Variants in PRKAR2A observed in about 807,000 individuals in gnomAD.
PRKAR2A encodes protein kinase cAMP-dependent type II regulatory subunit alpha, also known as cAMP-dependent protein kinase type II-alpha regulatory subunit.
Under a neutral mutation model 51.9 loss-of-function variants are expected in PRKAR2A, and 29 were observed. The observed-to-expected ratio is 0.56, with a 90% CI of 0.42 to 0.76. The LOEUF is 0.76. PRKAR2A is among the 30% of genes least tolerant of loss of function. PRKAR2A has a pLI of 0.00. For missense variants in PRKAR2A, 445 were observed against 512.1 expected, an observed-to-expected ratio of 0.87 and a Z score of 1.26; for synonymous variants, 178 against 186.2, an observed-to-expected ratio of 0.96 and a Z score of 0.36.
At chr3:48,846,526 G>A (rs993150231) in intron 1 of PRKAR2A, among the ~76,000 whole-genome samples, 3 of 151,950 alleles carry the variant, frequency 2.0e-5, no homozygotes, top group African/African-American at 7.3e-5. Flanking sequence ...CAGGTTTTTC[G>A]TTTTCAAAAA....
intron 9 of PRKAR2A, 103 bp from the exon 10 acceptor site, chr3:48,752,420 C>T (rs4407401): frequency 6.4e-6 from 8 of 1,241,546 alleles, no homozygotes; most frequent in South Asian, 3.1e-5. Flanking sequence ...TACACAATTA[C>T]TGAGGAATTC....
chr3:48,773,689 C>T (rs2082063668), intron 5 of PRKAR2A, among the ~76,000 whole-genome samples: 1 of 151,668 alleles, frequency 6.6e-6, no homozygotes, highest in South Asian at 2.1e-4. Flanking sequence ...TTTAATACTT[C>T]CTTTCCAATC....
At chr3:48,758,257 C>CAAAAAAA in intron 8 of PRKAR2A, among the ~76,000 whole-genome samples, 1 of 89,190 alleles carries the variant, frequency 1.1e-5, no homozygotes, top group South Asian at 3.4e-4. Context: ...GACTCCATCT[C>CAAAAAAA]AAAAAAAAAA....
intron 1 of PRKAR2A, among the ~76,000 whole-genome samples, chr3:48,808,585 T>C (rs1489080105): frequency 3.3e-5 from 4 of 119,534 alleles, no homozygotes; most frequent in African/African-American, 1.3e-4. Context: ...TTCATCATGT[T>C]GGCCAGGCTG....
intron 1 of PRKAR2A, among the ~76,000 whole-genome samples, chr3:48,830,708 T>C (rs2107439454): frequency 6.6e-6 from 1 of 152,256 alleles, no homozygotes; most frequent in Admixed American, 6.5e-5. Flanking sequence ...TATTACATTG[T>C]AATATATAAT....
chr3:48,752,281 C>T lies in PRKAR2A; in HGVS notation c.976G>A (p.Glu326Lys), dbSNP rs112025762. 57 of 1,614,028 alleles carry T rather than the reference C, an allele frequency of 3.5e-5. No homozygotes were observed. The highest frequency in any genetic ancestry group is 4.4e-5 in the Non-Finnish European group (52 of 1,180,032). The change falls in exon 10 of 11, where the codon GAG (glutamate) becomes AAG (lysine). Residue 326 changes from glutamate (E) to lysine (K), a missense_variant. Physicochemically the swap from Glu to Lys is moderately conservative, Grantham distance 56. Transcript: ENST00000265563. Reference protein sequence around the residue: ...SNKDGGNQEVEIARCHKGQYF... With the variant: ...SNKDGGNQEVKIARCHKGQYF... ...TGCCCCTTATGGCAGCGGGCAATCTCGACCTCCTGGTTCCCACCATCCTTG... is the reference window on the plus strand; with the variant it reads ...TGCCCCTTATGGCAGCGGGCAATCTTGACCTCCTGGTTCCCACCATCCTTG...
Position 48,757,980 on chromosome 3 carries a change from C to T in PRKAR2A, c.874-1536G>A, listed in dbSNP as rs563696694. 2.0e-5 allele frequency among the ~76,000 whole-genome samples: 3 copies of T among 151,974 alleles called. No homozygotes were observed. The East Asian group carries it at 5.8e-4, about 29-fold the overall frequency. ...CTGAGGCAGAAGAATAGCTTGAACC[C>T]GGGAGGCAGAGGTTGCAGTGAGCCG... On this transcript the variant is annotated intron_variant, in intron 8 of 10. Transcript: ENST00000265563.
At chr3:48,833,758 A>G (rs1395561039) in intron 1 of PRKAR2A, among the ~76,000 whole-genome samples, 1 of 150,504 alleles carries the variant, frequency 6.6e-6, no homozygotes, top group African/African-American at 2.4e-5. Flanking sequence ...TCTTCCGGCC[A>G]GGCGCAGTGG....
chr3:48,840,943 G>A (rs1457441844), intron 1 of PRKAR2A, among the ~76,000 whole-genome samples: 1 of 132,882 alleles, frequency 7.5e-6, no homozygotes, highest in Non-Finnish European at 1.6e-5. Flanking sequence ...GTGCAATGGC[G>A]TGATCTCCGC....
chr3:48,821,135 C>A (rs116702895), intron 1 of PRKAR2A, among the ~76,000 whole-genome samples: 2,858 of 152,238 alleles, frequency 0.019, 91 homozygotes, highest in African/African-American at 0.064. Flanking sequence ...AGAGAAAGAA[C>A]GTCTCCCTAA....
intron 2 of PRKAR2A, among the ~76,000 whole-genome samples, chr3:48,795,459 G>A (rs2082476689): frequency 6.6e-6 from 1 of 152,178 alleles, no homozygotes; most frequent in African/African-American, 2.4e-5. Context: ...TCTGAACATA[G>A]TAATCTGACC....
chr3:48,794,426 A>T (rs753149155), intron 2 of PRKAR2A, among the ~76,000 whole-genome samples: 253 of 151,922 alleles, frequency 1.7e-3, no homozygotes, highest in Non-Finnish European at 2.4e-3. Context: ...GTATAATATA[A>T]ATGCTCATGC....
At chr3:48,833,757 C>T (rs1332201407) in intron 1 of PRKAR2A, among the ~76,000 whole-genome samples, 1 of 150,396 alleles carries the variant, frequency 6.6e-6, no homozygotes, top group African/African-American at 2.4e-5. Flanking sequence ...TTCTTCCGGC[C>T]AGGCGCAGTG....
intron 9 of PRKAR2A, among the ~76,000 whole-genome samples, chr3:48,756,077 G>A (rs1156527045): frequency 1.3e-5 from 2 of 151,400 alleles, no homozygotes; most frequent in Non-Finnish European, 3.0e-5. Flanking sequence ...ACTGTGCCCG[G>A]CCCCAGCCCC....
rs965877704 is a variant in PRKAR2A, at chr3:48,748,179, G to A, written c.*3406C>T. The A allele has an allele frequency of 1.3e-5, 2 of 150,740 alleles. No homozygotes were observed. The highest frequency in any genetic ancestry group is 2.9e-5 in the Non-Finnish European group (2 of 67,874). The allele number at this position is 150,740 out of a possible 1,614,324, so 9.3% of individuals were successfully genotyped here. A position where few individuals can be genotyped will look rare whatever the true frequency, so the allele number is the denominator to read the frequency against. ...GTCCCACTTTGTCCCCCAGACTGGA[G>A]TGCAGTGGCACGATCATGGCTCACT... On this transcript the variant is annotated 3_prime_UTR_variant, in exon 11 of 11. Coordinates refer to ENST00000265563, the MANE Select transcript of PRKAR2A (RefSeq NM_004157.4).
In PRKAR2A at chr3:48,847,402, TTCTGGCGGGGGGTGGCCCAGGC is replaced by T; in HGVS notation, c.173_194del (p.Ser58AsnfsTer54). ...CGTCGGCGACACGGTCCGGGCCGGG[TTCTGGCGGGGGGTGGCCCAGGC>T]TCTGGCGTGGGGTGGCGGCGGGCAG... On this transcript the variant is annotated frameshift_variant, in exon 1 of 11. Transcript: ENST00000265563. LOFTEE classifies it high-confidence loss of function. This position sits in a 1 kb window ranked among gnomAD's most constrained non-coding sequence, Gnocchi z 4.4. 1.2e-6 allele frequency: 2 copies of T among 1,607,806 alleles called. No individual in the cohort carries two copies. The highest frequency in any genetic ancestry group is 1.3e-5 in the African/African-American group (1 of 74,854).
intron 9 of PRKAR2A, among the ~76,000 whole-genome samples, chr3:48,754,705 G>A (rs571323002): frequency 4.0e-5 from 6 of 151,792 alleles, no homozygotes; most frequent in African/African-American, 1.2e-4. Context: ...ACCCAGGGAC[G>A]GAGGTTGCAG....
chr3:48,830,790 TAG>T (rs1254697502), intron 1 of PRKAR2A, among the ~76,000 whole-genome samples: 1 of 152,166 alleles, frequency 6.6e-6, no homozygotes, highest in Non-Finnish European at 1.5e-5. Flanking sequence ...GTCCTTCAAC[TAG>T]ACAGTCCCAT....
rs745366884 is a variant in PRKAR2A, at chr3:48,765,325, T to G, written c.721A>C (p.Ile241Leu). 1.2e-5 allele frequency: 19 copies of G among 1,611,436 alleles called. No homozygotes were observed. In the African/African-American group the frequency reaches 2.4e-4, roughly 20 times the overall value. The change falls in exon 7 of 11, where the codon ATA becomes CTA. Residue 241 changes from isoleucine (I) to leucine (L), a missense_variant. Coordinates refer to ENST00000265563, the MANE Select transcript of PRKAR2A (RefSeq NM_004157.4). Reference protein sequence around the residue: ...GLDRVTFRRIIVKNNAKKRKM... With the variant: ...GLDRVTFRRILVKNNAKKRKM... Reference sequence around the variant, plus strand: ...CTCTTCTTTGCATTATTTTTCACTATGATTCTTCTAAAAGTCACCCGGTCC... The same window carrying G: ...CTCTTCTTTGCATTATTTTTCACTAGGATTCTTCTAAAAGTCACCCGGTCC...
Sources: gnomAD v4.1 joint callset for allele counts (sites outside exome capture counted in the v4.1 genomes callset) on GRCh38, gnomAD v4.1.1 for gene constraint, Gnocchi (gnomAD v3.1) non-coding constraint, MANE v1.5 for transcripts, NCBI Gene and HGNC (gene_info 2026-07-23, HGNC 2026-07-21) for gene names.